Variants in NCALD observed in about 807,000 individuals in gnomAD.
The protein encoded by NCALD is neurocalcin-delta.
NCALD carries 10 observed loss-of-function variants against 18.6 expected under a neutral mutation model. The observed-to-expected ratio is 0.54, with a 90% CI of 0.33 to 0.91. The LOEUF (loss-of-function observed/expected upper bound fraction) is 0.91, where lower values mean the gene tolerates loss of function less well. Ranked by LOEUF, NCALD falls within the 40% of genes least tolerant of loss-of-function variation. The pLI is 0.03. For synonymous variants in NCALD, 88 were observed against 87.4 expected, an observed-to-expected ratio of 1.01 and a Z score of -0.04; for missense variants, 184 against 247.6, an observed-to-expected ratio of 0.74 and a Z score of 1.72.
chr8:101,937,308 AAT>A (rs750780584), intron 2 of NCALD, among the ~76,000 whole-genome samples: 56 of 152,238 alleles, frequency 3.7e-4, no homozygotes, highest in Non-Finnish European at 6.2e-4. Flanking sequence ...CCCAGTAGCC[AAT>A]AGTTATTTTT....
At chr8:102,065,848 C>A (rs542933284) in intron 1 of NCALD, among the ~76,000 whole-genome samples, 1 of 152,270 alleles carries the variant, frequency 6.6e-6, no homozygotes, top group East Asian at 1.9e-4. Context: ...AAATAAAATT[C>A]TTGCACATTT....
chr8:101,995,336 A>C (rs971062407), intron 2 of NCALD, among the ~76,000 whole-genome samples: 1 of 152,248 alleles, frequency 6.6e-6, no homozygotes, highest in Non-Finnish European at 1.5e-5. Context: ...ATACCTGCTC[A>C]TTCAGACACA....
chr8:101,968,759 C>T (rs552646615), intron 2 of NCALD, among the ~76,000 whole-genome samples: 1 of 152,294 alleles, frequency 6.6e-6, no homozygotes, highest in South Asian at 2.1e-4. Context: ...GTCCAAACAG[C>T]ATATGCCTTC....
intron 1 of NCALD, among the ~76,000 whole-genome samples, chr8:102,061,791 C>T (rs934025850): frequency 1.3e-5 from 2 of 152,192 alleles, no homozygotes; most frequent in Non-Finnish European, 2.9e-5. Flanking sequence ...TAAATATAAG[C>T]GCATCTACCC....
In NCALD at chr8:101,688,275, C is replaced by T. The variant is rs1814554170; in HGVS notation, c.*1034G>A. ...TCCTGTCCCACTACCACCTGCTCTG[C>T]ATCTGCCCTCTAGGCATGGCCACTC... On this transcript the variant is annotated 3_prime_UTR_variant, in exon 4 of 4. Coordinates refer to ENST00000220931, the MANE Select transcript of NCALD (RefSeq NM_032041.3). The T allele has an allele frequency of 5.1e-6, 1 of 195,154 alleles. No homozygotes were observed. Among genetic ancestry groups the T allele is most frequent in the Non-Finnish European group, 1.1e-5 (1 of 93,534 alleles). The allele number at this position is 195,154 out of a possible 1,614,324, so 12.1% of individuals were successfully genotyped here. A position where few individuals can be genotyped will look rare whatever the true frequency, so the allele number is the denominator to read the frequency against.
At chr8:101,958,315 T>C (rs1206939910) in intron 2 of NCALD, among the ~76,000 whole-genome samples, 1 of 152,126 alleles carries the variant, frequency 6.6e-6, no homozygotes, top group Non-Finnish European at 1.5e-5. Context: ...TAAGAGCTTT[T>C]AGGAAAATCT....
chr8:101,738,673 A>G (rs1810044386), intron 1 of NCALD, among the ~76,000 whole-genome samples: 1 of 152,102 alleles, frequency 6.6e-6, no homozygotes, highest in African/African-American at 2.4e-5. Context: ...GATAAGGCAC[A>G]ATGGTTAAGG....
chr8:101,800,122 T>A (rs965631481), intron 4 of NCALD, among the ~76,000 whole-genome samples: 1 of 152,130 alleles, frequency 6.6e-6, no homozygotes, highest in Non-Finnish European at 1.5e-5. Flanking sequence ...GAAAAATGAT[T>A]CCAGATGGAA....
intron 4 of NCALD, among the ~76,000 whole-genome samples, chr8:101,822,745 A>T (rs1434530893): frequency 6.6e-6 from 1 of 151,960 alleles, no homozygotes; most frequent in African/African-American, 2.4e-5. Context: ...AAAAGATGCA[A>T]CTCCAACAGT....
intron 1 of NCALD, among the ~76,000 whole-genome samples, chr8:101,789,692 T>C (rs1236947905): frequency 1.3e-5 from 2 of 152,194 alleles, no homozygotes; most frequent in Non-Finnish European, 2.9e-5. Flanking sequence ...ATACTAGCTG[T>C]ATTACATGTA....
intron 4 of NCALD, among the ~76,000 whole-genome samples, chr8:101,857,298 C>T (rs1815358467): frequency 6.6e-6 from 1 of 152,130 alleles, no homozygotes; most frequent in Non-Finnish European, 1.5e-5. Context: ...TATTTGGGAG[C>T]ACAATTTCTC....
chr8:101,867,181 C>T (rs1350557122), intron 4 of NCALD, among the ~76,000 whole-genome samples: 2 of 152,160 alleles, frequency 1.3e-5, no homozygotes, highest in Admixed American at 6.5e-5. Context: ...GGCTTTTTCT[C>T]AAAAGTCACC....
intron 1 of NCALD, among the ~76,000 whole-genome samples, chr8:102,071,230 T>G (rs1334949583): frequency 1.3e-5 from 2 of 152,138 alleles, no homozygotes; most frequent in East Asian, 3.9e-4. Flanking sequence ...TGGGAGAGTC[T>G]TGAACACACC....
intron 2 of NCALD, among the ~76,000 whole-genome samples, chr8:101,995,705 TG>T (rs528641698): frequency 9.9e-4 from 150 of 152,262 alleles, no homozygotes; most frequent in African/African-American, 3.5e-3. Context: ...CCTTCAACAC[TG>T]GGGCTTACAT....
chr8:102,014,496 G>C (rs1822012572), intron 2 of NCALD, among the ~76,000 whole-genome samples: 1 of 151,888 alleles, frequency 6.6e-6, no homozygotes, highest in Non-Finnish European at 1.5e-5. Context: ...GGTCTAAAAA[G>C]AAATCTCTTT....
At chr8:101,957,171 A>C (rs1280670798) in intron 2 of NCALD, among the ~76,000 whole-genome samples, 1 of 152,138 alleles carries the variant, frequency 6.6e-6, no homozygotes, top group Non-Finnish European at 1.5e-5. Flanking sequence ...TTTAAAAATG[A>C]GCAATGCAAT....
chr8:101,862,290 A>G (rs1815574454), intron 4 of NCALD, among the ~76,000 whole-genome samples: 1 of 152,248 alleles, frequency 6.6e-6, no homozygotes, highest in African/African-American at 2.4e-5. Context: ...GTAAATCTAC[A>G]CAATAATTAA....
At chr8:101,717,223 C>T (rs910044297) in intron 2 of NCALD, among the ~76,000 whole-genome samples, 5 of 152,178 alleles carry the variant, frequency 3.3e-5, no homozygotes, top group Non-Finnish European at 5.9e-5. Flanking sequence ...ACAATTTCAG[C>T]TTGTCACTAC....
chr8:101,896,618 T>C (rs946068828), intron 3 of NCALD, among the ~76,000 whole-genome samples: 1 of 152,024 alleles, frequency 6.6e-6, no homozygotes, highest in Non-Finnish European at 1.5e-5. Flanking sequence ...CCTACTCACC[T>C]GACAAAGGGC....
Sources: allele counts gnomAD v4.1 joint callset (sites outside exome capture counted in the v4.1 genomes callset), GRCh38; gene constraint gnomAD v4.1.1; transcripts MANE v1.5; gene names NCBI Gene and HGNC (gene_info 2026-07-23, HGNC 2026-07-21).